The following SLC7A6 variants were observed in gnomAD, a reference collection of about 807,000 sequenced individuals.
The protein encoded by SLC7A6 is Y+L amino acid transporter 2.
In SLC7A6, 29 loss-of-function variants were observed where a neutral mutation model predicts 46.6. The observed-to-expected ratio is 0.62, with a 90% CI of 0.46 to 0.85. The LOEUF (loss-of-function observed/expected upper bound fraction) is 0.85, where lower values mean the gene tolerates loss of function less well. Ranked by LOEUF, SLC7A6 falls within the 40% of genes least tolerant of loss-of-function variation. SLC7A6 has a pLI of 0.00. For synonymous variants in SLC7A6, 276 were observed against 257.3 expected, an observed-to-expected ratio of 1.07 and a Z score of -0.70; for missense variants, 527 against 647.6, an observed-to-expected ratio of 0.81 and a Z score of 2.02.
chr16:68,275,150 A>G lies in SLC7A6; in HGVS notation c.424A>G (p.Ile142Val), dbSNP rs202157957. The G allele has an allele frequency of 6.2e-7, 1 of 1,614,066 alleles. No homozygotes were observed. The highest frequency in any genetic ancestry group is 2.2e-5 in the East Asian group (1 of 44,884). Reference sequence around the variant, plus strand: ...AGTTGTTGAGCCCACCGGTCAGGCCATCATCGCCATCACCTTTGCCAACTA... The same window carrying G: ...AGTTGTTGAGCCCACCGGTCAGGCCGTCATCGCCATCACCTTTGCCAACTA... ...LLVVEPTGQA[I>V]IAITFANYII... The change falls in exon 3 of 11, where the codon ATC (isoleucine) becomes GTC (valine). Residue 142 changes from isoleucine to valine, a missense_variant. Ile to Val is a conservative substitution (Grantham distance 29, BLOSUM62 3). Coordinates refer to ENST00000219343, the MANE Select transcript of SLC7A6 (RefSeq NM_003983.6).
chr16:68,289,724 G>A (rs1483350832), intron 4 of SLC7A6, among the ~76,000 whole-genome samples: 3 of 152,196 alleles, frequency 2.0e-5, no homozygotes, highest in Admixed American at 6.5e-5. Flanking sequence ...GGCCTCTGAG[G>A]AGAATGACAG....
chr16:68,280,249 T>C (rs1275009594), intron 3 of SLC7A6, among the ~76,000 whole-genome samples: 1 of 152,146 alleles, frequency 6.6e-6, no homozygotes, highest in Non-Finnish European at 1.5e-5. Flanking sequence ...GGTCTTGAAA[T>C]TGAGGCATGA....
intron 7 of SLC7A6, chr16:68,292,905 C>G (rs1208640599): frequency 6.6e-6 from 1 of 152,172 alleles, no homozygotes; most frequent in Non-Finnish European, 1.5e-5. Context: ...AATTTCTTTC[C>G]TGATTTCTCT....
At chr16:68,278,823 G>C (rs1341698799) in intron 3 of SLC7A6, among the ~76,000 whole-genome samples, 1 of 152,124 alleles carries the variant, frequency 6.6e-6, no homozygotes, top group Admixed American at 6.5e-5. Context: ...ATGAGCTGTT[G>C]GGTACACCTC....
At chr16:68,291,104 G>GC (rs2043040758) in intron 5 of SLC7A6, 105 bp from the exon 6 acceptor site, 8 of 1,448,304 alleles carry the variant, frequency 5.5e-6, no homozygotes, top group Non-Finnish European at 4.8e-6. Flanking sequence ...AGACTTGGAG[G>GC]CTAGTGAACT....
Position 68,297,388 on chromosome 16 carries a change from A to C in SLC7A6, c.*60A>C. ...GGCCAACCAGCAAAATCCTGATAACAAGACTCTGTGGGCCCAACTCTCCTG... is the reference window on the plus strand; with the variant it reads ...GGCCAACCAGCAAAATCCTGATAACCAGACTCTGTGGGCCCAACTCTCCTG... On this transcript the variant is annotated 3_prime_UTR_variant, in exon 11 of 11. Transcript: ENST00000219343. 7.0e-7 allele frequency: 1 copy of C among 1,423,706 alleles called. No homozygotes were observed. The highest frequency in any genetic ancestry group is 9.9e-7 in the Non-Finnish European group (1 of 1,014,912). The allele number at this position is 1,423,706 out of a possible 1,614,324, so 88.2% of individuals were successfully genotyped here.
At chr16:68,287,150 G>T (rs1421415022) in intron 3 of SLC7A6, among the ~76,000 whole-genome samples, 1 of 151,874 alleles carries the variant, frequency 6.6e-6, no homozygotes, top group Non-Finnish European at 1.5e-5. Context: ...GCTAATTTTT[G>T]TATTTTTTGT....
chr16:68,282,398 G>A (rs2042844742), intron 3 of SLC7A6, among the ~76,000 whole-genome samples: 2 of 151,932 alleles, frequency 1.3e-5, no homozygotes, highest in South Asian at 4.2e-4. Context: ...GCAAGAACTC[G>A]TCTCTTAAAA....
intron 6 of SLC7A6, 98 bp downstream of exon 6, chr16:68,291,430 G>T: frequency 6.3e-7 from 1 of 1,586,678 alleles, no homozygotes; most frequent in South Asian, 1.1e-5. Context: ...AGCTCTGCAG[G>T]ATGAGGTCAT....
chr16:68,278,492 A>C (rs1415805903), intron 3 of SLC7A6, among the ~76,000 whole-genome samples: 3 of 147,040 alleles, frequency 2.0e-5, no homozygotes, highest in African/African-American at 7.6e-5. Flanking sequence ...TGGGTACTTG[A>C]GATTAGGGAG....
rs768480849 is a variant in SLC7A6, at chr16:68,287,759, T to C, written c.537T>C (p.Phe179=). The C allele has an allele frequency of 1.9e-6, 3 of 1,613,928 alleles. No homozygotes were observed. The East Asian group carries it at 6.7e-5, about 36-fold the overall frequency. Residue 179 remains phenylalanine, a synonymous_variant, in exon 4 of 11, where the codon TTT becomes TTC. Coordinates refer to ENST00000219343, the MANE Select transcript of SLC7A6 (RefSeq NM_003983.6). ...LAAACICLLT[F]VNCAYVKWGT... is the part of the protein sequence containing the mutation. Reference sequence around the variant, plus strand: ...TTTTCCTCCTAGGTCTGCTGACATTTGTGAACTGTGCCTATGTCAAGTGGG... The same window carrying C: ...TTTTCCTCCTAGGTCTGCTGACATTCGTGAACTGTGCCTATGTCAAGTGGG...
intron 3 of SLC7A6, among the ~76,000 whole-genome samples, chr16:68,286,825 G>A (rs1036161282): frequency 6.6e-6 from 1 of 152,102 alleles, no homozygotes; most frequent in Non-Finnish European, 1.5e-5. Flanking sequence ...GGGTGGAAGC[G>A]ATCAGTGGGC....
intron 3 of SLC7A6, among the ~76,000 whole-genome samples, chr16:68,285,226 G>A (rs1359875969): frequency 1.3e-5 from 2 of 152,230 alleles, no homozygotes; most frequent in East Asian, 3.9e-4. Flanking sequence ...TTCCAACTCT[G>A]TGTTTCTGGG....
chr16:68,266,788 G>C, intron 2 of SLC7A6, 67 bp downstream of exon 2: 1 of 152,070 alleles, frequency 6.6e-6, no homozygotes, highest in Non-Finnish European at 1.5e-5. Flanking sequence ...CTTGTATACA[G>C]TGTGAATACA....
intron 3 of SLC7A6, chr16:68,287,235 C>G: frequency 4.9e-6 from 5 of 1,021,954 alleles, no homozygotes; most frequent in Non-Finnish European, 6.5e-6. Flanking sequence ...GCCTCAGTTT[C>G]CCAAAGTGCT....
chr16:68,293,059 C>T (rs180942296), intron 7 of SLC7A6, among the ~76,000 whole-genome samples: 29 of 152,240 alleles, frequency 1.9e-4, no homozygotes, highest in Non-Finnish European at 3.1e-4. Context: ...TTTCACACAC[C>T]AGTCCATGTG....
intron 3 of SLC7A6, among the ~76,000 whole-genome samples, chr16:68,277,915 C>T (rs1430149505): frequency 1.4e-5 from 2 of 146,760 alleles, no homozygotes; most frequent in Non-Finnish European, 3.0e-5. Flanking sequence ...TGTGAGCCCC[C>T]ATGCCTGGCC....
In SLC7A6 at chr16:68,301,333, G is replaced by GGGTACTTGCTCCACATCCGCTGTCT; in HGVS notation, c.*4007_*4031dup. 4 of 1,614,146 alleles carry GGGTACTTGCTCCACATCCGCTGTCT rather than the reference G, an allele frequency of 2.5e-6. No individual in the cohort carries two copies. Among genetic ancestry groups the GGGTACTTGCTCCACATCCGCTGTCT allele is most frequent in the Non-Finnish European group, 3.4e-6 (4 of 1,180,014 alleles). On this transcript the variant is annotated 3_prime_UTR_variant, in exon 11 of 11. Transcript: ENST00000219343. ...GCCGAACTCCTTCTGCACATCCAGA[G>GGGTACTTGCTCCACATCCGCTGTCT]GGTACTTGCTCCACATCCGCTGTCT...
rs565287723 is a variant in SLC7A6, at chr16:68,269,941, AT to A, written c.-37+3229del. Among the ~76,000 whole-genome samples the A allele has an allele frequency of 2.2e-3, 337 of 151,136 alleles. 3 individuals are homozygous for A. Among genetic ancestry groups the A allele is most frequent in the African/African-American group, 7.8e-3 (322 of 41,228 alleles). ...TGCCATCATGCCTGGCTACTTTTTA[AT>A]TTTTTTTTGTAGAGATGGGGTCTTG... On this transcript the variant is annotated intron_variant, in intron 2 of 10. Transcript: ENST00000219343.
Sources: allele counts gnomAD v4.1 joint callset (sites outside exome capture counted in the v4.1 genomes callset), GRCh38; gene constraint gnomAD v4.1.1; transcripts MANE v1.5; gene names NCBI Gene and HGNC (gene_info 2026-07-23, HGNC 2026-07-21).